The following AMBN variants were observed in gnomAD, a reference collection of about 807,000 sequenced individuals.
AMBN encodes enamel matrix protein.
AMBN carries 54 observed loss-of-function variants against 48.0 expected under a neutral mutation model. That is an observed-to-expected ratio of 1.12 (90% confidence interval 0.90 to 1.41). The LOEUF is 1.41. Ranked by LOEUF, AMBN falls within the 40% of genes most tolerant of loss-of-function variation. The pLI, the probability that AMBN is intolerant of heterozygous loss-of-function variation, is 0.00. For missense variants in AMBN, 571 were observed against 547.3 expected (o/e 1.04, Z -0.43); for synonymous variants, 186 against 190.0 (o/e 0.98, Z 0.17).
At chr4:70,603,385 C>T in intron 10 of AMBN, 31 bp from the exon 11 acceptor site, 1 of 1,613,108 alleles carries the variant, frequency 6.2e-7, no homozygotes, top group South Asian at 1.1e-5. Context: ...TTGGAAAATG[C>T]ATTTTGTGAT....
chr4:70,603,842 G>C (rs374242351), intron 11 of AMBN, 35 bp from the exon 12 acceptor site: 1 of 1,612,178 alleles, frequency 6.2e-7, no homozygotes, highest in Non-Finnish European at 8.5e-7. Flanking sequence ...AAGGTAGCTG[G>C]TTCGTAATTT....
intron 2 of AMBN, among the ~76,000 whole-genome samples, chr4:70,594,379 C>G (rs1287343625): frequency 6.6e-6 from 1 of 152,200 alleles, no homozygotes; most frequent in African/African-American, 2.4e-5. Flanking sequence ...CTTTATTTGG[C>G]TGCTATATGC....
At position 70,593,408 on chromosome 4, in the gene AMBN, T is replaced by C. The variant is rs747383763; in HGVS notation, c.84+13T>C. Reference sequence around the variant, plus strand: ...TTTTGCAGTGCCGGTAAGTCAGTCTTTAGAGTGTGTCCCAGAAAAGGTTAT... The same window carrying C: ...TTTTGCAGTGCCGGTAAGTCAGTCTCTAGAGTGTGTCCCAGAAAAGGTTAT... On this transcript the variant is annotated intron_variant, in intron 2 of 12. Coordinates refer to ENST00000322937, the MANE Select transcript of AMBN (RefSeq NM_016519.6). 1 of 1,601,284 alleles carries C rather than the reference T, an allele frequency of 6.2e-7. No individual in the cohort carries two copies. The highest frequency in any genetic ancestry group is 8.6e-7 in the Non-Finnish European group (1 of 1,168,660).
chr4:70,606,612 A>G lies in AMBN; in HGVS notation c.1226A>G (p.Gln409Arg). 1 of 1,614,154 alleles carries G rather than the reference A, an allele frequency of 6.2e-7. No homozygotes were observed. Among genetic ancestry groups the G allele is most frequent in the Non-Finnish European group, 8.5e-7 (1 of 1,180,010 alleles). The change falls in exon 13 of 13, where the codon CAG (glutamine) becomes CGG (arginine). Residue 409 changes from glutamine to arginine, a missense_variant. By Grantham distance (43) the Gln-to-Arg change is conservative (BLOSUM62 1). Coordinates refer to ENST00000322937, the MANE Select transcript of AMBN (RefSeq NM_016519.6). The stretch of plus-strand genomic sequence containing the variant: ...GACATGACCACATCCGTGGATTTCC[A>G]GGAAGAAGCAACCATGGATACCACG... ...DADMTTSVDF[Q>R]EEATMDTTMA...
chr4:70,599,721 A>G lies in AMBN; in HGVS notation c.294+75A>G, dbSNP rs895554955. 6.2e-6 allele frequency: 7 copies of G among 1,136,886 alleles called. No homozygotes were observed. In the African/African-American group the frequency reaches 6.3e-5, roughly 10 times the overall value. The allele number at this position is 1,136,886 out of a possible 1,614,324, so 70.4% of individuals were successfully genotyped here. On this transcript the variant is annotated intron_variant, in intron 5 of 12. Transcript: ENST00000322937. Reference sequence around the variant, plus strand: ...TCTTACTTGCCTTCTTTAAGTTATGATATATTAGAAACAGCCAAGTCCTAG... The same window carrying G: ...TCTTACTTGCCTTCTTTAAGTTATGGTATATTAGAAACAGCCAAGTCCTAG...
In AMBN at chr4:70,601,576, A is replaced by T. The variant is rs1560388096; in HGVS notation, c.453A>T (p.Gly151=). Residue 151 remains glycine, a synonymous_variant, in exon 6 of 13, where the codon GGA becomes GGT. Transcript: ENST00000322937. ...KEALQPPIHL[G]HLPLQEGELP... ...CACTTCAGCCTCCAATTCACCTGGG[A>T]CATCTGCCCTTGCAGGAAGGAGAAC... 1 of 1,614,166 alleles carries T rather than the reference A, an allele frequency of 6.2e-7. No individual in the cohort carries two copies. Among genetic ancestry groups the T allele is most frequent in the Admixed American group, 1.7e-5 (1 of 60,014 alleles).
At chr4:70,596,424 T>A (rs1737387074) in intron 2 of AMBN, among the ~76,000 whole-genome samples, 1 of 152,204 alleles carries the variant, frequency 6.6e-6, no homozygotes, top group African/African-American at 2.4e-5. Context: ...AAAAAAACCT[T>A]TGATATGATC....
rs1283032857 is a variant in AMBN, at chr4:70,603,942, C to A, written c.798+21C>A. The A allele has an allele frequency of 7.4e-6, 12 of 1,612,568 alleles. No homozygotes were observed. In the Middle Eastern group the frequency reaches 4.9e-4, roughly 66 times the overall value. ...TGGCAGTGAGTAATGTCTTCTAACTCTTCTTAAAATAGTGGCCAGGGAAGA... is the reference window on the plus strand; with the variant it reads ...TGGCAGTGAGTAATGTCTTCTAACTATTCTTAAAATAGTGGCCAGGGAAGA... On this transcript the variant is annotated intron_variant, in intron 12 of 12. Coordinates refer to ENST00000322937, the MANE Select transcript of AMBN (RefSeq NM_016519.6).
At chr4:70,597,313 T>C (rs1737408285) in intron 3 of AMBN, among the ~76,000 whole-genome samples, 1 of 152,174 alleles carries the variant, frequency 6.6e-6, no homozygotes, top group Non-Finnish European at 1.5e-5. Flanking sequence ...ATATATAATA[T>C]GCACATTAAT....
intron 1 of AMBN, 77 bp from the exon 2 acceptor site, chr4:70,593,250 C>A: frequency 8.2e-7 from 1 of 1,225,008 alleles, no homozygotes; most frequent in South Asian, 1.3e-5. Flanking sequence ...GACTCAGGCT[C>A]ATTTTCAAAA....
rs145240720 is a variant in AMBN at position 70,606,340 on chromosome 4, C to T, written c.954C>T (p.Asn318=). Residue 318 remains asparagine, a synonymous_variant, in exon 13 of 13, where the codon AAC becomes AAT. Coordinates refer to ENST00000322937, the MANE Select transcript of AMBN (RefSeq NM_016519.6). ...TGGCTGCCACCAAAGGCCCTGAGAA[C>T]GAAGAAGGAGGTGCACAAGGCTCCC... ...SPVAATKGPE[N]EEGGAQGSPM... 59 of 1,613,924 alleles carry T rather than the reference C, an allele frequency of 3.7e-5. No homozygotes were observed. The highest frequency in any genetic ancestry group is 3.3e-4 in the Middle Eastern group (2 of 6,084).
intron 2 of AMBN, among the ~76,000 whole-genome samples, chr4:70,594,204 C>A (rs1195039088): frequency 6.6e-6 from 1 of 152,148 alleles, no homozygotes; most frequent in Non-Finnish European, 1.5e-5. Context: ...TGACTGAGAG[C>A]TGAAGTTTCA....
chr4:70,598,233 CTT>C (rs1292645889), intron 3 of AMBN, 121 bp from the exon 4 acceptor site: 1 of 555,200 alleles, frequency 1.8e-6, no homozygotes, highest in African/African-American at 1.9e-5. Context: ...TTTGTGTCTA[CTT>C]TCATTTTATT....
At position 70,603,312 on chromosome 4, in the gene AMBN, A is replaced by G. The variant is rs755522196; in HGVS notation, c.701A>G (p.Gln234Arg). 5 of 1,613,554 alleles carry G rather than the reference A, an allele frequency of 3.1e-6. No homozygotes were observed. In the South Asian group the frequency reaches 5.5e-5, roughly 18 times the overall value. The change falls in exon 10 of 13, where the codon CAA becomes CGA. Residue 234 changes from glutamine (Q) to arginine (R), a missense_variant. Transcript: ENST00000322937. ...CACGGACCAATGCCACAAAATAAAC[A>G]ATCTCCAGTAAGTTTTTTTTAATAC... ...ISHGPMPQNK[Q>R]SPLYPGMLYV...
chr4:70,601,152 G>A (rs1160050070), intron 5 of AMBN, among the ~76,000 whole-genome samples: 2 of 152,130 alleles, frequency 1.3e-5, no homozygotes, highest in East Asian at 3.9e-4. Context: ...ACTTAGAGAA[G>A]GACATGACTC....
At chr4:70,601,986 T>G in intron 6 of AMBN, 1 of 480,306 alleles carries the variant, frequency 2.1e-6, no homozygotes, top group Non-Finnish European at 4.0e-6. Context: ...TTTTTTGGTA[T>G]TGGAAAAACT....
rs772340921 is a variant in AMBN, at chr4:70,593,288, A to G, written c.16-39A>G. ...TGTCTTTTAACCATTCTGAATAAAAATTCATCTGATTTAATTCTCCAACTT... is the reference window on the plus strand; with the variant it reads ...TGTCTTTTAACCATTCTGAATAAAAGTTCATCTGATTTAATTCTCCAACTT... On this transcript the variant is annotated intron_variant, in intron 1 of 12. Coordinates refer to ENST00000322937, the MANE Select transcript of AMBN (RefSeq NM_016519.6). 81 of 1,521,612 alleles carry G rather than the reference A, an allele frequency of 5.3e-5. 1 individual carries two copies. In the South Asian group the frequency reaches 8.4e-4, roughly 16 times the overall value. The allele number at this position is 1,521,612 out of a possible 1,614,324, so 94.3% of individuals were successfully genotyped here.
intron 2 of AMBN, among the ~76,000 whole-genome samples, chr4:70,595,173 A>T (rs957656044): frequency 2.7e-5 from 4 of 148,930 alleles, no homozygotes; most frequent in Non-Finnish European, 5.9e-5. Context: ...CACATTTGTA[A>T]TGCCTTTCCC....
At chr4:70,592,469 C>A in intron 1 of AMBN, 96 bp downstream of exon 1, 1 of 1,345,930 alleles carries the variant, frequency 7.4e-7, no homozygotes, top group Non-Finnish European at 1.1e-6. Flanking sequence ...CTTCATTTGT[C>A]ACCAGTAGCT....
Sources: gnomAD v4.1 joint callset for allele counts (sites outside exome capture counted in the v4.1 genomes callset) on GRCh38, gnomAD v4.1.1 for gene constraint, MANE v1.5 for transcripts, NCBI Gene and HGNC (gene_info 2026-07-23, HGNC 2026-07-21) for gene names.